Variants in GGNBP2 observed in about 807,000 individuals in gnomAD.
GGNBP2 encodes the protein gametogenetin binding protein 2.
A neutral mutation model predicts 85.9 loss-of-function variants in GGNBP2; 10 were observed. That is an observed-to-expected ratio of 0.12 (90% CI 0.07 to 0.20). GGNBP2 has a LOEUF of 0.20. Among genes scored for constraint, GGNBP2 ranks in the 10% least tolerant of loss-of-function variants. GGNBP2 has a pLI of 1.00. For synonymous variants in GGNBP2, 287 were observed against 285.7 expected (o/e 1.00, Z -0.05); for missense variants, 595 against 857.8 (o/e 0.69, Z 3.83).
At chr17:36,571,282 T>A (rs2074521793) in intron 6 of GGNBP2, among the ~76,000 whole-genome samples, 1 of 152,076 alleles carries the variant, frequency 6.6e-6, no homozygotes, top group African/African-American at 2.4e-5. Context: ...CTGAGTGTGG[T>A]GGCTCACTCC....
chr17:36,552,697 A>G (rs2074321988), intron 2 of GGNBP2, among the ~76,000 whole-genome samples: 1 of 152,204 alleles, frequency 6.6e-6, no homozygotes, highest in Non-Finnish European at 1.5e-5. Flanking sequence ...ATCTGTATGC[A>G]TGGAAGAAAA....
intron 2 of GGNBP2, among the ~76,000 whole-genome samples, chr17:36,548,285 G>T (rs1475888671): frequency 1.3e-5 from 2 of 152,094 alleles, no homozygotes; most frequent in Non-Finnish European, 2.9e-5. Flanking sequence ...TTGTAATTTG[G>T]ACTTGTAAAA....
intron 2 of GGNBP2, chr17:36,546,994 CTTAA>C (rs2074261644): frequency 6.6e-6 from 1 of 152,102 alleles, no homozygotes; most frequent in African/African-American, 2.4e-5. Context: ...TATTGAATGA[CTTAA>C]TTTATTAGAA....
chr17:36,578,411 T>G, intron 7 of GGNBP2: 2 of 444,394 alleles, frequency 4.5e-6, no homozygotes, highest in Non-Finnish European at 7.9e-6. Context: ...TAGTTCTTGC[T>G]TGAAGGGAGG....
At chr17:36,559,755 T>G (rs1487972067) in intron 4 of GGNBP2, among the ~76,000 whole-genome samples, 1 of 152,192 alleles carries the variant, frequency 6.6e-6, no homozygotes, top group African/African-American at 2.4e-5. Context: ...ATTGGTGGGT[T>G]GGACAGGGAT....
At chr17:36,565,577 A>C (rs2074459653) in intron 5 of GGNBP2, among the ~76,000 whole-genome samples, 1 of 152,120 alleles carries the variant, frequency 6.6e-6, no homozygotes, top group Non-Finnish European at 1.5e-5. Context: ...AGTTCTGGGA[A>C]ATTATGCATT....
At chr17:36,582,513 G>C (rs984544446) in intron 9 of GGNBP2, 1 of 152,190 alleles carries the variant, frequency 6.6e-6, no homozygotes, top group African/African-American at 2.4e-5. Context: ...TTCGATTCTT[G>C]GTTGAATTTA....
chr17:36,560,869 G>T lies in GGNBP2; in HGVS notation c.525G>T (p.Leu175Phe), dbSNP rs767641535. ...TAGATACGCACAAGCCAAAACCTTTGGGGTAAGTAGAATTGAATACCAAGA... is the reference window on the plus strand; with the variant it reads ...TAGATACGCACAAGCCAAAACCTTTTGGGTAAGTAGAATTGAATACCAAGA... ...HSLDTHKPKP[L>F]GGCWMDVWEL... The change falls in exon 5 of 14, where the codon TTG (leucine) becomes TTT (phenylalanine). Residue 175 changes from leucine to phenylalanine, a missense_variant and splice_region_variant. Coordinates refer to ENST00000613102, the MANE Select transcript of GGNBP2 (RefSeq NM_024835.5). 1 of 1,523,940 alleles carries T rather than the reference G, an allele frequency of 6.6e-7. No homozygotes were observed. Among genetic ancestry groups the T allele is most frequent in the Non-Finnish European group, 9.0e-7 (1 of 1,115,554 alleles). 94.4% of individuals were successfully genotyped at this position (1,523,940 alleles called of 1,614,324 possible).
At chr17:36,576,667 A>ATG (rs201574067) in intron 6 of GGNBP2, 34 of 135,094 alleles carry the variant, frequency 2.5e-4, no homozygotes, top group Admixed American at 5.4e-4. Context: ...ATGTATATAT[A>ATG]TGTGTATATA....
In GGNBP2 at chr17:36,581,333, TTTTA is replaced by T; in HGVS notation, c.1021-9_1021-6del. ...GACCAATATTCACCCTCAACCTTAT[TTTTA>T]TAATAGATGACCGTGGAAAAAGTAC... is the stretch of plus-strand genomic sequence containing the variant. On this transcript the variant is annotated splice_polypyrimidine_tract_variant and splice_region_variant and intron_variant, in intron 8 of 13. Transcript: ENST00000613102. The T allele has an allele frequency of 6.4e-7, 1 of 1,562,508 alleles. No homozygotes were observed. Among genetic ancestry groups the T allele is most frequent in the Non-Finnish European group, 8.7e-7 (1 of 1,153,376 alleles).
At chr17:36,559,052 C>T (rs2074391138) in intron 4 of GGNBP2, among the ~76,000 whole-genome samples, 1 of 151,934 alleles carries the variant, frequency 6.6e-6, no homozygotes, top group Non-Finnish European at 1.5e-5. Context: ...ATAATCCCAG[C>T]ACTTTGGGAG....
At chr17:36,566,275 G>A (rs190686239) in intron 5 of GGNBP2, among the ~76,000 whole-genome samples, 4 of 152,300 alleles carry the variant, frequency 2.6e-5, no homozygotes, top group Non-Finnish European at 5.9e-5. Context: ...AGATAAATGT[G>A]CTGCAACAAA....
intron 2 of GGNBP2, among the ~76,000 whole-genome samples, chr17:36,554,609 C>T (rs559813485): frequency 1.1e-4 from 16 of 151,708 alleles, no homozygotes; most frequent in South Asian, 2.1e-4. Flanking sequence ...TCAGGTGATC[C>T]GCCGCCCCCC....
chr17:36,578,348 A>G (rs2074612298), intron 7 of GGNBP2, 162 bp downstream of exon 7: 2 of 556,656 alleles, frequency 3.6e-6, no homozygotes, highest in Non-Finnish European at 6.2e-6. Context: ...GCATTTCTTA[A>G]TTGACTGAAA....
intron 3 of GGNBP2, 132 bp from the exon 4 acceptor site, chr17:36,556,951 T>C (rs2074368016): frequency 1.0e-6 from 1 of 988,588 alleles, no homozygotes; most frequent in Non-Finnish European, 1.5e-6. Flanking sequence ...CCTTTCTGAC[T>C]CAGTTGCAGG....
Sources: allele counts gnomAD v4.1 joint callset (sites outside exome capture counted in the v4.1 genomes callset), GRCh38; gene constraint gnomAD v4.1.1; transcripts MANE v1.5; gene names NCBI Gene and HGNC (gene_info 2026-07-23, HGNC 2026-07-21).